GAD2: variants seen among roughly 807,000 people sequenced by gnomAD.
GAD2 encodes glutamate decarboxylase 2.
GAD2 carries 22 observed loss-of-function variants against 80.1 expected under a neutral mutation model. That is an observed-to-expected ratio of 0.27 (90% CI 0.20 to 0.39). The LOEUF (loss-of-function observed/expected upper bound fraction) is 0.39. Ranked by LOEUF, GAD2 falls within the 10% of genes least tolerant of loss-of-function variation. GAD2 has a pLI of 1.00. For synonymous variants in GAD2, 274 were observed against 256.9 expected, an observed-to-expected ratio of 1.07 and a Z score of -0.64; for missense variants, 624 against 738.4, an observed-to-expected ratio of 0.85 and a Z score of 1.80.
chr10:26,267,941 G>A (rs925111894), intron 8 of GAD2, among the ~76,000 whole-genome samples: 3 of 152,202 alleles, frequency 2.0e-5, no homozygotes, highest in African/African-American at 4.8e-5. Context: ...TCCAGTGCTT[G>A]CTGTATGTCT....
rs980404070 is a variant in GAD2 at position 26,232,098 on chromosome 10, T to G, written c.840+2321T>G. On this transcript the variant is annotated intron_variant, in intron 7 of 15. Coordinates refer to ENST00000376261, the MANE Select transcript of GAD2 (RefSeq NM_001134366.2). Reference sequence around the variant, plus strand: ...ACCTAGTACCCCACCAGGAGATAACTTTCTTTTCTCAGCTTCTCCAAGGAT... The same window carrying G: ...ACCTAGTACCCCACCAGGAGATAACGTTCTTTTCTCAGCTTCTCCAAGGAT... Among the ~76,000 whole-genome samples the G allele has an allele frequency of 6.6e-5, 10 of 152,366 alleles. No homozygotes were observed. In the East Asian group the frequency reaches 1.3e-3, roughly 21 times the overall value.
chr10:26,262,528 T>G (rs1021654113), intron 8 of GAD2, among the ~76,000 whole-genome samples: 5 of 152,112 alleles, frequency 3.3e-5, no homozygotes, highest in Admixed American at 6.6e-5. Context: ...TTGAATTTAT[T>G]AAGTTTACTT....
chr10:26,244,470 G>A (rs1279732266), intron 7 of GAD2, among the ~76,000 whole-genome samples: 3 of 152,176 alleles, frequency 2.0e-5, no homozygotes, highest in African/African-American at 7.2e-5. Flanking sequence ...TAGCCAAAAG[G>A]TAGAAGCAAC....
At chr10:26,286,716 A>C (rs1417227294) in intron 13 of GAD2, among the ~76,000 whole-genome samples, 1 of 152,216 alleles carries the variant, frequency 6.6e-6, no homozygotes, top group African/African-American at 2.4e-5. Flanking sequence ...ATGCTCACTC[A>C]TCTGGAAAAC....
intron 8 of GAD2, among the ~76,000 whole-genome samples, chr10:26,254,228 G>A (rs992475608): frequency 6.6e-6 from 1 of 152,062 alleles, no homozygotes; most frequent in Non-Finnish European, 1.5e-5. Flanking sequence ...GTGGAGATGG[G>A]GTTTCACCAT....
At chr10:26,238,118 C>T (rs7912720) in intron 7 of GAD2, among the ~76,000 whole-genome samples, 6,662 of 151,804 alleles carry the variant, frequency 0.044, 456 homozygotes, top group African/African-American at 0.15. Context: ...AGGAGGGAGA[C>T]CTGAGGACAG....
At chr10:26,300,456 T>C (rs870342) in intron 15 of GAD2, among the ~76,000 whole-genome samples, 14,723 of 152,094 alleles carry the variant, frequency 0.097, 2,348 homozygotes, top group African/African-American at 0.33. Flanking sequence ...GGGGGGAAAA[T>C]GCCCCCAAAC....
chr10:26,241,645 A>G (rs1355115452), intron 7 of GAD2, among the ~76,000 whole-genome samples: 2 of 151,876 alleles, frequency 1.3e-5, no homozygotes, highest in African/African-American at 4.8e-5. Context: ...TTTTTCTCCA[A>G]GTTTCCTCTG....
At chr10:26,231,754 T>C (rs995125224) in intron 7 of GAD2, among the ~76,000 whole-genome samples, 7 of 152,190 alleles carry the variant, frequency 4.6e-5, no homozygotes, top group Non-Finnish European at 1.0e-4. Flanking sequence ...TCTGGAAGAT[T>C]CCGTTTCCTT....
At chr10:26,249,718 G>GGCCA (rs1844855459) in intron 8 of GAD2, among the ~76,000 whole-genome samples, 1 of 152,240 alleles carries the variant, frequency 6.6e-6, no homozygotes, top group African/African-American at 2.4e-5. Flanking sequence ...GAGTCCACCA[G>GGCCA]GCCAGCTAGG....
At chr10:26,216,732 C>G (rs1256412943), upstream of GAD2, 71 of 1,300,306 alleles carry the variant, frequency 5.5e-5, no homozygotes, top group Non-Finnish European at 7.6e-5. This position sits in a 1 kb window ranked among gnomAD's most constrained non-coding sequence, Gnocchi z 4.7. Context: ...CGGGCACGCA[C>G]GCGCGCGCAG....
At chr10:26,281,331 T>C (rs544243094) in intron 12 of GAD2, among the ~76,000 whole-genome samples, 3 of 152,218 alleles carry the variant, frequency 2.0e-5, no homozygotes, top group Non-Finnish European at 4.4e-5. Flanking sequence ...GTTTTCAGTA[T>C]GATACCCCTT....
At chr10:26,247,741 C>G (rs1844826105) in intron 8 of GAD2, among the ~76,000 whole-genome samples, 2 of 151,488 alleles carry the variant, frequency 1.3e-5, no homozygotes, top group South Asian at 4.2e-4. Flanking sequence ...ACTAAAAATA[C>G]AAAAATTAGC....
intron 8 of GAD2, among the ~76,000 whole-genome samples, chr10:26,257,697 G>T (rs1389081522): frequency 6.6e-6 from 1 of 152,120 alleles, no homozygotes; most frequent in African/African-American, 2.4e-5. Context: ...TCTTTTAAAC[G>T]TATCACTCCA....
In GAD2 at chr10:26,301,050, G is replaced by A. The variant is rs569532674; in HGVS notation, c.*89G>A. 42 of 1,153,086 alleles carry A rather than the reference G, an allele frequency of 3.6e-5. No individual in the cohort carries two copies. The East Asian group carries it at 6.6e-4, about 18-fold the overall frequency. 71.4% of individuals were successfully genotyped at this position (1,153,086 alleles called of 1,614,324 possible). A position where few individuals can be genotyped will look rare whatever the true frequency, so the allele number is the denominator to read the frequency against. ...GAATGTATTTGTAGTTTGTTCCAAA[G>A]TAAATCTATTTCTATATTGTGGTGT... On this transcript the variant is annotated 3_prime_UTR_variant, in exon 16 of 16. Coordinates refer to ENST00000376261, the MANE Select transcript of GAD2 (RefSeq NM_001134366.2).
intron 12 of GAD2, among the ~76,000 whole-genome samples, chr10:26,283,968 G>T (rs1367699578): frequency 2.0e-5 from 3 of 152,190 alleles, no homozygotes; most frequent in Non-Finnish European, 4.4e-5. Flanking sequence ...TCAATAAAAG[G>T]AATACTTCTA....
chr10:26,257,114 A>G (rs1844953542), intron 8 of GAD2, among the ~76,000 whole-genome samples: 1 of 152,136 alleles, frequency 6.6e-6, no homozygotes, highest in Admixed American at 6.5e-5. Flanking sequence ...GCGGTGGCTC[A>G]TGTCTGTAAT....
chr10:26,241,003 C>G (rs1844735439), intron 7 of GAD2, among the ~76,000 whole-genome samples: 1 of 151,836 alleles, frequency 6.6e-6, no homozygotes, highest in African/African-American at 2.4e-5. Flanking sequence ...GATCGTGCCA[C>G]TGCACTCCAG....
chr10:26,285,929 C>T (rs1845326884), intron 12 of GAD2, among the ~76,000 whole-genome samples: 1 of 152,136 alleles, frequency 6.6e-6, no homozygotes, highest in Non-Finnish European at 1.5e-5. Context: ...AATAATATTT[C>T]ACAAAACCAA....
Sources: gnomAD v4.1 joint callset for allele counts (sites outside exome capture counted in the v4.1 genomes callset) on GRCh38, gnomAD v4.1.1 for gene constraint, Gnocchi (gnomAD v3.1) non-coding constraint, MANE v1.5 for transcripts, NCBI Gene and HGNC (gene_info 2026-07-23, HGNC 2026-07-21) for gene names.